CDH12: variants seen among roughly 807,000 people sequenced by gnomAD.
The protein encoded by CDH12 is cadherin 12, also known as cadherin-12.
CDH12 carries 41 observed loss-of-function variants against 74.1 expected under a neutral mutation model. The ratio of observed to expected loss-of-function variants is 0.55; its 90% CI spans 0.43 to 0.72. The LOEUF is 0.72. CDH12 is among the 30% of genes least tolerant of loss of function. CDH12 has a pLI of 0.00. For missense variants in CDH12, 945 were observed against 977.2 expected, an observed-to-expected ratio of 0.97 and a Z score of 0.44; for synonymous variants, 399 against 355.0, an observed-to-expected ratio of 1.12 and a Z score of -1.39.
intron 1 of CDH12, among the ~76,000 whole-genome samples, chr5:22,704,161 A>T (rs1456385960): frequency 6.6e-6 from 1 of 152,144 alleles, no homozygotes; most frequent in Non-Finnish European, 1.5e-5. Flanking sequence ...AAAGTTTTGC[A>T]GCTGAGGATT....
At position 21,799,135 on chromosome 5, in the gene CDH12, G is replaced by A. The variant is rs371407820; in HGVS notation, c.1256+3032C>T. 5.0e-4 allele frequency among the ~76,000 whole-genome samples: 76 copies of A among 152,246 alleles called. 2 individuals carry two copies. The South Asian group carries it at 0.014, about 28-fold the overall frequency. ...AGCCATTCTGATATGTTAACAGAGA[G>A]AAATAAAGACATGTTATTAGAAACT... On this transcript the variant is annotated intron_variant, in intron 10 of 14. Coordinates refer to ENST00000382254, the MANE Select transcript of CDH12 (RefSeq NM_004061.5).
At chr5:22,770,074 C>G (rs1048731622) in intron 1 of CDH12, among the ~76,000 whole-genome samples, 5 of 150,048 alleles carry the variant, frequency 3.3e-5, no homozygotes, top group Admixed American at 6.7e-5. Context: ...TCAGGTAATT[C>G]ACAAAGTAAC....
intron 6 of CDH12, among the ~76,000 whole-genome samples, chr5:21,865,600 C>T (rs1362485338): frequency 2.6e-5 from 4 of 152,116 alleles, no homozygotes; most frequent in Admixed American, 6.5e-5. Context: ...GCTCTTCAGC[C>T]ACCCCAGCCA....
rs1561225437 is a variant in CDH12, at chr5:21,833,249, A to ATGT, written c.814+8911_814+8912insACA. The stretch of plus-strand genomic sequence containing the variant: ...TTATATAACATATAATATATATTAT[A>ATGT]TATTATATAACATATAATATATATT... On this transcript the variant is annotated intron_variant, in intron 8 of 14. Coordinates refer to ENST00000382254, the MANE Select transcript of CDH12 (RefSeq NM_004061.5). Among the ~76,000 whole-genome samples the ATGT allele has an allele frequency of 4.6e-3, 199 of 43,736 alleles. 16 individuals are homozygous for ATGT. The highest frequency in any genetic ancestry group is 0.026 in the Middle Eastern group (1 of 38). The allele number at this position is 43,736 out of a possible 152,430, so 28.7% of individuals were successfully genotyped here. A position where few individuals can be genotyped will look rare whatever the true frequency, so the allele number is the denominator to read the frequency against.
intron 1 of CDH12, among the ~76,000 whole-genome samples, chr5:22,619,542 T>C (rs1737864857): frequency 2.0e-5 from 3 of 152,088 alleles, no homozygotes; most frequent in Admixed American, 6.6e-5. Flanking sequence ...TGTTGGTTTT[T>C]TGAAATCTTT....
At chr5:22,323,561 T>C (rs1339196609) in intron 3 of CDH12, among the ~76,000 whole-genome samples, 3 of 152,126 alleles carry the variant, frequency 2.0e-5, no homozygotes, top group Non-Finnish European at 4.4e-5. Context: ...ATATCACACA[T>C]GGAAAATAAT....
chr5:22,099,007 C>A (rs371922149), intron 4 of CDH12, among the ~76,000 whole-genome samples: 1 of 151,908 alleles, frequency 6.6e-6, no homozygotes, highest in Non-Finnish European at 1.5e-5. Context: ...TTATTCAGGC[C>A]CCCTCCCTTC....
At chr5:22,059,623 G>T (rs754000858) in intron 5 of CDH12, among the ~76,000 whole-genome samples, 2 of 151,928 alleles carry the variant, frequency 1.3e-5, no homozygotes, top group Non-Finnish European at 2.9e-5. Flanking sequence ...CAATTTTAAT[G>T]CTCAACACTT....
intron 6 of CDH12, among the ~76,000 whole-genome samples, chr5:21,922,707 T>A (rs1440857627): frequency 6.6e-6 from 1 of 152,114 alleles, no homozygotes; most frequent in African/African-American, 2.4e-5. Flanking sequence ...TACCTGCAAT[T>A]CACCCTATTC....
intron 1 of CDH12, among the ~76,000 whole-genome samples, chr5:22,839,938 A>C (rs1737008942): frequency 6.6e-6 from 1 of 152,178 alleles, no homozygotes; most frequent in South Asian, 2.1e-4. Context: ...CAATAAGTTA[A>C]AACTCTGATT....
chr5:22,840,679 A>G (rs1737043094), intron 1 of CDH12, among the ~76,000 whole-genome samples: 1 of 152,152 alleles, frequency 6.6e-6, no homozygotes, highest in Non-Finnish European at 1.5e-5. Flanking sequence ...CCAAGTGTTT[A>G]CATTCCAGAA....
intron 3 of CDH12, among the ~76,000 whole-genome samples, chr5:22,314,551 T>G (rs1487911325): frequency 6.6e-6 from 1 of 152,206 alleles, no homozygotes; most frequent in Non-Finnish European, 1.5e-5. Flanking sequence ...AATACATTTC[T>G]GTTATTGAAG....
intron 3 of CDH12, among the ~76,000 whole-genome samples, chr5:22,253,690 C>T (rs373297523): frequency 1.3e-5 from 2 of 151,796 alleles, no homozygotes; most frequent in East Asian, 3.9e-4. Context: ...TACTCTCTTC[C>T]TCTTCCCCTT....
At chr5:21,863,475 T>C (rs1334211925) in intron 6 of CDH12, among the ~76,000 whole-genome samples, 4 of 152,214 alleles carry the variant, frequency 2.6e-5, no homozygotes, top group Non-Finnish European at 5.9e-5. Context: ...TTATCATATT[T>C]ATCTTTATAC....
chr5:22,455,289 T>A (rs1479592433), intron 2 of CDH12, among the ~76,000 whole-genome samples: 2 of 152,138 alleles, frequency 1.3e-5, no homozygotes, highest in African/African-American at 4.8e-5. Flanking sequence ...ACATTTACAG[T>A]CTTTGATAAA....
chr5:22,291,423 T>G (rs1737384053), intron 3 of CDH12, among the ~76,000 whole-genome samples: 1 of 152,152 alleles, frequency 6.6e-6, no homozygotes, highest in Non-Finnish European at 1.5e-5. Flanking sequence ...AGTTAAATCA[T>G]GTCTGTTTGT....
intron 1 of CDH12, among the ~76,000 whole-genome samples, chr5:22,806,575 C>T (rs1389259910): frequency 2.6e-5 from 4 of 151,928 alleles, no homozygotes; most frequent in African/African-American, 9.7e-5. Flanking sequence ...AGGATGGTCT[C>T]GATCTCCTGA....
intron 1 of CDH12, among the ~76,000 whole-genome samples, chr5:22,637,863 T>C (rs998964781): frequency 2.0e-5 from 3 of 152,242 alleles, no homozygotes; most frequent in Non-Finnish European, 2.9e-5. Context: ...TTCTGTATAG[T>C]ACAACTTCTT....
chr5:22,297,722 G>C (rs1055465113), intron 3 of CDH12, among the ~76,000 whole-genome samples: 5 of 152,104 alleles, frequency 3.3e-5, no homozygotes, highest in African/African-American at 9.7e-5. Context: ...GCTGAAGAAG[G>C]GGAAAGATTT....
Sources: allele counts gnomAD v4.1 joint callset (sites outside exome capture counted in the v4.1 genomes callset), GRCh38; gene constraint gnomAD v4.1.1; transcripts MANE v1.5; gene names NCBI Gene and HGNC (gene_info 2026-07-23, HGNC 2026-07-21).